Variants in ASPH observed in about 807,000 individuals in gnomAD.
ASPH encodes the protein aspartyl/asparaginyl beta-hydroxylase.
In ASPH, 100 loss-of-function variants were observed where a neutral mutation model predicts 118.4. That is an observed-to-expected ratio of 0.84 (90% confidence interval 0.72 to 1.00). The LOEUF (loss-of-function observed/expected upper bound fraction) is 1.00. Ranked by LOEUF, ASPH falls within the 50% of genes least tolerant of loss-of-function variation. The probability of loss-of-function intolerance (pLI) is 0.00; values close to 1 mark genes in which losing one functional copy is unlikely to be tolerated. For missense variants in ASPH, 920 were observed against 919.5 expected (o/e 1.00, Z -0.01); for synonymous variants, 315 against 325.6 (o/e 0.97, Z 0.35).
intron 21 of ASPH, among the ~76,000 whole-genome samples, chr8:61,542,658 C>T (rs1217169553): frequency 6.6e-6 from 1 of 152,076 alleles, no homozygotes; most frequent in African/African-American, 2.4e-5. Flanking sequence ...TATATTATCC[C>T]TTTTATGTTT....
chr8:61,545,414 T>C (rs1166410092), intron 21 of ASPH, among the ~76,000 whole-genome samples: 1 of 152,220 alleles, frequency 6.6e-6, no homozygotes. Flanking sequence ...TACAGCAGCT[T>C]AAATGGACTA....
At chr8:61,687,354 G>A (rs1218578223) in intron 1 of ASPH, 1 of 152,152 alleles carries the variant, frequency 6.6e-6, no homozygotes, top group African/African-American at 2.4e-5. Context: ...AAAACAGCAA[G>A]GGATTCAGAT....
intron 12 of ASPH, 28 bp from the exon 13 acceptor site, chr8:61,633,755 G>C: frequency 6.6e-7 from 1 of 1,510,230 alleles, no homozygotes; most frequent in Non-Finnish European, 9.1e-7. Context: ...GTTATAATCT[G>C]TTACATATTG....
At chr8:61,626,254 G>A (rs939181886) in intron 13 of ASPH, 10 of 1,561,244 alleles carry the variant, frequency 6.4e-6, no homozygotes, top group Non-Finnish European at 8.6e-6. Context: ...GTGGTGGTAG[G>A]GGCAGTCTTT....
intron 11 of ASPH, 159 bp from the exon 12 acceptor site, chr8:61,638,162 T>C: frequency 8.6e-7 from 1 of 1,165,502 alleles, no homozygotes; most frequent in Non-Finnish European, 1.2e-6. Flanking sequence ...GTATTTATAT[T>C]AGAATATTAA....
At chr8:61,696,101 T>C (rs992869953) in intron 1 of ASPH, among the ~76,000 whole-genome samples, 3 of 152,126 alleles carry the variant, frequency 2.0e-5, no homozygotes, top group South Asian at 4.1e-4. Context: ...CTGATTGATC[T>C]TGGATGACTG....
intron 3 of ASPH, chr8:61,676,004 C>A: frequency 6.3e-7 from 1 of 1,575,162 alleles, no homozygotes; most frequent in Non-Finnish European, 8.5e-7. Flanking sequence ...CTGCATAAGC[C>A]AAGGAAAGAA....
intron 14 of ASPH, among the ~76,000 whole-genome samples, chr8:61,600,418 T>C (rs935861121): frequency 2.0e-4 from 31 of 151,254 alleles, no homozygotes; most frequent in Non-Finnish European, 4.4e-5. Flanking sequence ...GTCACCCAAA[T>C]TGGAAAAGAG....
At chr8:61,582,094 A>G (rs1350557757) in intron 15 of ASPH, among the ~76,000 whole-genome samples, 1 of 152,182 alleles carries the variant, frequency 6.6e-6, no homozygotes, top group Non-Finnish European at 1.5e-5. Context: ...AACAACCCTA[A>G]AAGACTGAAT....
In ASPH at chr8:61,689,649, T is replaced by C. The variant is rs758519137; in HGVS notation, c.104-5461A>G. The C allele has an allele frequency of 3.2e-6, 5 of 1,576,412 alleles. No homozygotes were observed. In the East Asian group the frequency reaches 1.1e-4, roughly 36 times the overall value. On this transcript the variant is annotated intron_variant, in intron 1 of 24. Coordinates refer to ENST00000379454, the MANE Select transcript of ASPH (RefSeq NM_004318.4). ...CTGTCAGCTAGATCTAAAGCCACTT[T>C]TAGCCTAAATAACAAAAATATACCT...
chr8:61,707,800 T>G (rs980340906), intron 1 of ASPH, among the ~76,000 whole-genome samples: 2 of 152,202 alleles, frequency 1.3e-5, no homozygotes, highest in Non-Finnish European at 2.9e-5. Context: ...CAAAATAGTA[T>G]GCCAAGTAGA....
intron 1 of ASPH, among the ~76,000 whole-genome samples, chr8:61,695,814 ATCC>A (rs1833800761): frequency 6.6e-6 from 1 of 152,188 alleles, no homozygotes; most frequent in East Asian, 1.9e-4. Flanking sequence ...TCCTTCCCAA[ATCC>A]TTGATATGGT....
At position 61,553,055 on chromosome 8, in the gene ASPH, G is replaced by A; in HGVS notation, c.1602C>T (p.Ala534=). The A allele has an allele frequency of 6.2e-7, 1 of 1,613,378 alleles. No homozygotes were observed. The highest frequency in any genetic ancestry group is 8.5e-7 in the Non-Finnish European group (1 of 1,179,514). Residue 534 remains alanine (A), a synonymous_variant, in exon 20 of 25, where the codon GCC becomes GCT. Transcript: ENST00000379454. The part of the protein sequence containing the change: ...DGRFYFHLGD[A]MQRVGNKEAY... ...CCTCTTTGTTCCCAACCCTCTGCAT[G>A]GCATCCCCCAGGTGGAAATAAAATC...
At chr8:61,598,719 T>A (rs1362906309) in intron 14 of ASPH, among the ~76,000 whole-genome samples, 1 of 152,202 alleles carries the variant, frequency 6.6e-6, no homozygotes, top group Non-Finnish European at 1.5e-5. Flanking sequence ...ACTTGGAACA[T>A]TCTCCAGGTA....
chr8:61,671,491 A>G (rs1822495074), intron 3 of ASPH, among the ~76,000 whole-genome samples: 1 of 152,208 alleles, frequency 6.6e-6, no homozygotes, highest in African/African-American at 2.4e-5. Context: ...TTCAGACAAA[A>G]GTTGTTTTTA....
chr8:61,684,044 A>G lies in ASPH; in HGVS notation c.248T>C (p.Val83Ala), dbSNP rs779765042. 118 of 1,613,426 alleles carry G rather than the reference A, an allele frequency of 7.3e-5. 1 individual carries two copies. In the Middle Eastern group the frequency reaches 9.9e-4, roughly 14 times the overall value. Residue 83 changes from valine to alanine, a missense_variant, in exon 2 of 25, where the codon GTT becomes GCT. Transcript: ENST00000379454. The part of the protein sequence containing the change: ...VWFDLVDYEE[V>A]LGKLGIYDAD... ...AAGGATATCAAAATTCTTACCTAGAACTTCCTCATAGTCAACAAGATCAAA... is the reference window on the plus strand; with the variant it reads ...AAGGATATCAAAATTCTTACCTAGAGCTTCCTCATAGTCAACAAGATCAAA...
intron 14 of ASPH, among the ~76,000 whole-genome samples, chr8:61,593,002 G>A (rs1012629677): frequency 1.3e-5 from 2 of 152,200 alleles, no homozygotes; most frequent in African/African-American, 4.8e-5. Context: ...CTGAATCTAC[G>A]AGTGTTCCTA....
chr8:61,657,189 C>T (rs1043257783), intron 3 of ASPH: 8 of 152,142 alleles, frequency 5.3e-5, no homozygotes, highest in Non-Finnish European at 1.2e-4. Context: ...TCACTGATAA[C>T]ATGTGAACAG....
intron 15 of ASPH, among the ~76,000 whole-genome samples, chr8:61,580,538 G>T (rs1837188125): frequency 6.6e-6 from 1 of 152,172 alleles, no homozygotes; most frequent in Non-Finnish European, 1.5e-5. Flanking sequence ...AGAGAACTTT[G>T]TTCTCTCGCA....
Sources: gnomAD v4.1 joint callset for allele counts (sites outside exome capture counted in the v4.1 genomes callset) on GRCh38, gnomAD v4.1.1 for gene constraint, MANE v1.5 for transcripts, NCBI Gene and HGNC (gene_info 2026-07-23, HGNC 2026-07-21) for gene names.